Variants in ASIC2 observed in about 807,000 individuals in gnomAD.
ASIC2 encodes acid-sensing ion channel 2.
A neutral mutation model predicts 57.3 loss-of-function variants in ASIC2; 25 were observed. The observed-to-expected ratio is 0.44, with a 90% CI of 0.32 to 0.61. The LOEUF is 0.61. ASIC2 is among the 20% of genes least tolerant of loss of function. The pLI, the probability that ASIC2 is intolerant of heterozygous loss-of-function variation, is 0.06. For synonymous variants in ASIC2, 319 were observed against 307.5 expected (o/e 1.04, Z -0.39); for missense variants, 641 against 738.1 (o/e 0.87, Z 1.52).
intron 1 of ASIC2, among the ~76,000 whole-genome samples, chr17:33,737,361 G>T (rs933444341): frequency 6.6e-6 from 1 of 152,244 alleles, no homozygotes; most frequent in Non-Finnish European, 1.5e-5. Flanking sequence ...CTCAAACCAT[G>T]CTGTGACTCC....
intron 1 of ASIC2, among the ~76,000 whole-genome samples, chr17:34,145,783 A>G (rs1484002666): frequency 6.6e-6 from 1 of 152,172 alleles, no homozygotes; most frequent in African/African-American, 2.4e-5. Flanking sequence ...GGTTTCTGTG[A>G]CATATGAGGA....
intron 1 of ASIC2, among the ~76,000 whole-genome samples, chr17:33,230,449 T>C (rs1477162381): frequency 2.0e-5 from 3 of 152,188 alleles, no homozygotes; most frequent in African/African-American, 7.2e-5. Context: ...CCACCACTTT[T>C]GTCTTGGTCA....
rs923805280 is a variant in ASIC2, at chr17:33,670,664, T to A, written c.555+485314A>T. On this transcript the variant is annotated intron_variant, in intron 1 of 9. Coordinates refer to the ASIC2 transcript ENST00000359872. ...TGCCCCCTCTAATCCATCAACCTCA[T>A]CTTTCTGAAATGGAAACGTGAGCAC... 2.6e-5 allele frequency among the ~76,000 whole-genome samples: 4 copies of A among 152,160 alleles called. No homozygotes were observed. The South Asian group carries it at 8.3e-4, about 31-fold the overall frequency.
At chr17:33,727,864 A>C (rs1273990589) in intron 1 of ASIC2, among the ~76,000 whole-genome samples, 1 of 152,232 alleles carries the variant, frequency 6.6e-6, no homozygotes, top group African/African-American at 2.4e-5. Flanking sequence ...GATAAGGTAC[A>C]TGTCACTGTT....
At chr17:33,944,918 AG>A (rs1166098592) in intron 1 of ASIC2, among the ~76,000 whole-genome samples, 1 of 152,102 alleles carries the variant, frequency 6.6e-6, no homozygotes, top group African/African-American at 2.4e-5. Flanking sequence ...CTCACCCCTG[AG>A]TCTCTCCTGA....
intron 1 of ASIC2, among the ~76,000 whole-genome samples, chr17:33,962,915 AT>A: frequency 6.6e-6 from 1 of 152,198 alleles, no homozygotes; most frequent in South Asian, 2.1e-4. Context: ...ACAACTACAG[AT>A]TCTGCATCCC....
intron 1 of ASIC2, among the ~76,000 whole-genome samples, chr17:33,973,887 G>T (rs1434387989): frequency 6.6e-6 from 1 of 152,090 alleles, no homozygotes; most frequent in African/African-American, 2.4e-5. Context: ...GGGATGCCTT[G>T]CCAGTCCCAC....
chr17:33,998,775 T>A (rs571861396), intron 1 of ASIC2, among the ~76,000 whole-genome samples: 1 of 152,266 alleles, frequency 6.6e-6, no homozygotes, highest in East Asian at 1.9e-4. Context: ...TAATACTTGT[T>A]TTATAGTGTA....
chr17:33,128,583 T>C (rs1489517312), intron 1 of ASIC2, among the ~76,000 whole-genome samples: 3 of 152,200 alleles, frequency 2.0e-5, no homozygotes, highest in Non-Finnish European at 4.4e-5. Flanking sequence ...AGGCCTCAGC[T>C]GACCTGTGGG....
intron 1 of ASIC2, among the ~76,000 whole-genome samples, chr17:33,579,820 C>A (rs1437519222): frequency 1.3e-5 from 2 of 152,062 alleles, no homozygotes; most frequent in South Asian, 2.1e-4. Context: ...TGGATTTCGG[C>A]GTCTGGCTCG....
At chr17:33,099,713 C>G (rs776546432) in intron 2 of ASIC2, among the ~76,000 whole-genome samples, 1 of 152,112 alleles carries the variant, frequency 6.6e-6, no homozygotes. Context: ...TTCAGATTAT[C>G]ACCCTTGAAA....
chr17:33,708,166 C>A (rs990568274), intron 1 of ASIC2, among the ~76,000 whole-genome samples: 1 of 152,184 alleles, frequency 6.6e-6, no homozygotes, highest in African/African-American at 2.4e-5. Flanking sequence ...TCAACCAATT[C>A]TTTACTTTTA....
chr17:33,504,853 G>A (rs1032955778), intron 1 of ASIC2, among the ~76,000 whole-genome samples: 2 of 152,236 alleles, frequency 1.3e-5, no homozygotes, highest in Admixed American at 6.5e-5. Context: ...GTTGGTTCAG[G>A]TCCATTGTTC....
intron 1 of ASIC2, among the ~76,000 whole-genome samples, chr17:33,909,052 T>G (rs1915407064): frequency 6.6e-6 from 1 of 152,208 alleles, no homozygotes; most frequent in Non-Finnish European, 1.5e-5. Flanking sequence ...CCCTGAAGAT[T>G]ATGTCACCAT....
intron 1 of ASIC2, among the ~76,000 whole-genome samples, chr17:33,908,667 C>A (rs1469657162): frequency 6.6e-6 from 1 of 152,218 alleles, no homozygotes; most frequent in Non-Finnish European, 1.5e-5. Context: ...TACCACCCAC[C>A]ACATACACCT....
chr17:33,194,277 A>AAT (rs1906541545), intron 1 of ASIC2, among the ~76,000 whole-genome samples: 1 of 152,192 alleles, frequency 6.6e-6, no homozygotes, highest in East Asian at 1.9e-4. Flanking sequence ...TCTGACCAAG[A>AAT]GGCCATTGCT....
intron 1 of ASIC2, among the ~76,000 whole-genome samples, chr17:33,553,112 G>A (rs757924529): frequency 1.7e-4 from 26 of 152,146 alleles, no homozygotes; most frequent in Non-Finnish European, 3.1e-4. Context: ...TGGAGTGGCA[G>A]AGGCCCTAGT....
At chr17:33,712,636 CTTTTTTTTT>C (rs60673332) in intron 1 of ASIC2, among the ~76,000 whole-genome samples, 4 of 63,592 alleles carry the variant, frequency 6.3e-5, no homozygotes, top group Non-Finnish European at 1.2e-4. Flanking sequence ...ACTCATATGG[CTTTTTTTTT>C]TTTTTTTTTT....
At chr17:33,225,791 A>G (rs1252218167) in intron 1 of ASIC2, among the ~76,000 whole-genome samples, 1 of 152,228 alleles carries the variant, frequency 6.6e-6, no homozygotes, top group African/African-American at 2.4e-5. Flanking sequence ...AGCCACCAGC[A>G]GCCAGGAAAG....
Sources: gnomAD v4.1 joint callset for allele counts (sites outside exome capture counted in the v4.1 genomes callset) on GRCh38, gnomAD v4.1.1 for gene constraint, MANE v1.5 for transcripts, NCBI Gene and HGNC (gene_info 2026-07-23, HGNC 2026-07-21) for gene names.